Variants in JAG1 observed in about 807,000 individuals in gnomAD.
The protein encoded by JAG1 is jagged canonical Notch ligand 1.
Under a neutral mutation model 148.7 loss-of-function variants are expected in JAG1, and 23 were observed. The observed-to-expected ratio is 0.15, with a 90% confidence interval of 0.11 to 0.22. The LOEUF (loss-of-function observed/expected upper bound fraction) is 0.22, where lower values mean the gene tolerates loss of function less well. Ranked by LOEUF, JAG1 falls within the 10% of genes least tolerant of loss-of-function variation. JAG1 has a pLI of 1.00. For synonymous variants in JAG1, 572 were observed against 598.3 expected, an observed-to-expected ratio of 0.96 and a Z score of 0.64; for missense variants, 1,054 against 1,611.2, an observed-to-expected ratio of 0.65 and a Z score of 5.92.
chr20:10,639,344 G>C lies in JAG1; in HGVS notation c.*154C>G. On this transcript the variant is annotated 3_prime_UTR_variant, in exon 26 of 26. Transcript: ENST00000254958. ...GCACTCGATTTCCCAGCCAACCACA[G>C]AAACTACCATTGCCAGTGTAAGCCA... The C allele has an allele frequency of 1.3e-6, 1 of 779,688 alleles. No homozygotes were observed. The highest frequency in any genetic ancestry group is 1.4e-5 in the South Asian group (1 of 72,224). 48.3% of individuals were successfully genotyped at this position (779,688 alleles called of 1,614,324 possible).
Position 10,648,016 on chromosome 20 carries a change from T to C in JAG1, c.1664A>G (p.Tyr555Cys). The C allele has an allele frequency of 6.2e-7, 1 of 1,614,132 alleles. No homozygotes were observed. Among genetic ancestry groups the C allele is most frequent in the Non-Finnish European group, 8.5e-7 (1 of 1,180,008 alleles). Residue 555 changes from tyrosine (Y) to cysteine (C), a missense_variant, in exon 13 of 26, where the codon TAT (tyrosine) becomes TGT (cysteine). Around this residue, in one of 6 missense-constraint regions of JAG1, gnomAD observed 245 missense variants for 373.1 expected, o/e 0.66. Coordinates refer to ENST00000254958, the MANE Select transcript of JAG1 (RefSeq NM_000214.3). ...SDYFCKCPED[Y>C]EGKNCSHLKD... Reference sequence around the variant, plus strand: ...CAGGTGTGAGCAGTTCTTGCCCTCATAGTCCTCGGGGCACTTGCAGAAATA... The same window carrying C: ...CAGGTGTGAGCAGTTCTTGCCCTCACAGTCCTCGGGGCACTTGCAGAAATA...
At chr20:10,651,319 A>G in intron 8 of JAG1, 3 of 443,202 alleles carry the variant, frequency 6.8e-6, no homozygotes, top group South Asian at 3.2e-5. Context: ...GGCCAGCTCC[A>G]GGAAGCAGAT....
At chr20:10,643,673 A>T in intron 20 of JAG1, 105 bp downstream of exon 20, 1 of 856,896 alleles carries the variant, frequency 1.2e-6, no homozygotes. Flanking sequence ...TATGAGAGCT[A>T]CTTAAAGGGA....
chr20:10,668,092 T>TAAAACAAAAAAA (rs2067468187), intron 2 of JAG1, among the ~76,000 whole-genome samples: 1 of 107,262 alleles, frequency 9.3e-6, no homozygotes, highest in Admixed American at 9.7e-5. Context: ...ACTGGCACCA[T>TAAAACAAAAAAA]AAAAAAAAAA....
intron 13 of JAG1, 147 bp downstream of exon 13, chr20:10,647,813 C>T (rs778674873): frequency 7.2e-5 from 63 of 871,836 alleles, no homozygotes; most frequent in Middle Eastern, 3.2e-4. Flanking sequence ...CCACGTGTTG[C>T]GGCCCGCTAC....
In JAG1 at chr20:10,638,535, C is replaced by T. The variant is rs1362784342; in HGVS notation, c.*963G>A. ...CTAAAGCAGAAAAACAAAAAACAAA[C>T]AAACAAAAAAACCTGTTCTAAACTA... is the stretch of plus-strand genomic sequence containing the variant. On this transcript the variant is annotated 3_prime_UTR_variant, in exon 26 of 26. Coordinates refer to ENST00000254958, the MANE Select transcript of JAG1 (RefSeq NM_000214.3). 6.6e-6 allele frequency: 1 copy of T among 152,554 alleles called. No individual in the cohort carries two copies. Among genetic ancestry groups the T allele is most frequent in the Non-Finnish European group, 1.5e-5 (1 of 68,018 alleles). The allele number at this position is 152,554 out of a possible 1,614,324, so 9.5% of individuals were successfully genotyped here.
At chr20:10,646,819 C>A in intron 14 of JAG1, 120 bp downstream of exon 14, 2 of 983,082 alleles carry the variant, frequency 2.0e-6, no homozygotes, top group South Asian at 2.6e-5. Flanking sequence ...CAGCGAAATT[C>A]GGTCTCAAAA....
In JAG1 at chr20:10,641,484, G is replaced by A; in HGVS notation, c.2892C>T (p.Thr964=). The A allele has an allele frequency of 6.2e-7, 1 of 1,613,984 alleles. No individual in the cohort carries two copies. The highest frequency in any genetic ancestry group is 8.5e-7 in the Non-Finnish European group (1 of 1,179,926). Residue 964 remains threonine (T), a synonymous_variant, in exon 23 of 26, where the codon ACC becomes ACT. Transcript: ENST00000254958. ...YQDNCANITF[T]FNKEMMSPGL... ...CTGGTGACATCATCTCCTTGTTAAA[G>A]GTAAATGTGATGTTCGCACAGTTAT...
Position 10,645,298 on chromosome 20 carries a change from C to T in JAG1, c.2114-42G>A. ...CAGTGTGAGTCCCAGTGGCCCCCTC[C>T]CACAGAAGACAGAGGGAAGGGTCCC... On this transcript the variant is annotated intron_variant, in intron 16 of 25. Coordinates refer to ENST00000254958, the MANE Select transcript of JAG1 (RefSeq NM_000214.3). The surrounding 1 kb of genome is among the most constrained non-coding windows in gnomAD (Gnocchi z 6.1). 1 of 1,606,588 alleles carries T rather than the reference C, an allele frequency of 6.2e-7. No individual in the cohort carries two copies. Among genetic ancestry groups the T allele is most frequent in the Non-Finnish European group, 8.5e-7 (1 of 1,173,088 alleles).
rs1041494534 is a variant in JAG1, at chr20:10,637,772, C to T, written c.*1726G>A. ...TCAAGGCTCCCCTAGATGGGGCTCC[C>T]GCAGTTCCAGCTTCACAGCAGCCCC... On this transcript the variant is annotated 3_prime_UTR_variant, in exon 26 of 26. Coordinates refer to ENST00000254958, the MANE Select transcript of JAG1 (RefSeq NM_000214.3). 7.2e-5 allele frequency: 11 copies of T among 152,726 alleles called. No homozygotes were observed. The highest frequency in any genetic ancestry group is 2.6e-4 in the African/African-American group (11 of 41,570). 9.5% of individuals were successfully genotyped at this position (152,726 alleles called of 1,614,324 possible).
intron 5 of JAG1, 147 bp from the exon 6 acceptor site, chr20:10,652,745 C>T (rs920298758): frequency 1.6e-5 from 12 of 734,590 alleles, no homozygotes; most frequent in African/African-American, 8.8e-5. Flanking sequence ...TCAGGGGCTC[C>T]GTATAAACAA....
chr20:10,673,225 A>G lies in JAG1; in HGVS notation c.82-219T>C, dbSNP rs2067510790. 6.6e-6 allele frequency among the ~76,000 whole-genome samples: 1 copy of G among 150,732 alleles called. No homozygotes were observed. Among genetic ancestry groups the G allele is most frequent in the Non-Finnish European group, 1.5e-5 (1 of 67,882 alleles). ...ATCCGACGACTTCCCGGGGGGCAAC[A>G]GCGGAGCGAACGCGCCCCTGTCCGG... On this transcript the variant is annotated intron_variant, in intron 1 of 25. Transcript: ENST00000254958. This position sits in a 1 kb window ranked among gnomAD's most constrained non-coding sequence, Gnocchi z 4.7.
chr20:10,641,872 T>C lies in JAG1; in HGVS notation c.2593A>G (p.Thr865Ala), dbSNP rs769930733. 1.2e-6 allele frequency: 2 copies of C among 1,612,810 alleles called. No individual in the cohort carries two copies. The highest frequency in any genetic ancestry group is 1.7e-5 in the Admixed American group (1 of 60,016). The change falls in exon 22 of 26, where the codon ACC (threonine) becomes GCC (alanine). Residue 865 changes from threonine to alanine, a missense_variant. Thr to Ala is a moderately conservative substitution (Grantham distance 58). Around this residue, in one of 6 missense-constraint regions of JAG1, gnomAD observed 342 missense variants for 514.6 expected, o/e 0.66. Coordinates refer to ENST00000254958, the MANE Select transcript of JAG1 (RefSeq NM_000214.3). ...CCATCTGGTATCACACTCCCCATGG[T>C]GATGCAAGGTCTCCCTGAAACTGAC... Reference protein sequence around the residue: ...CQEVSGRPCITMGSVIPDGAK... With the variant: ...CQEVSGRPCIAMGSVIPDGAK...
chr20:10,665,761 C>G (rs1267260220), intron 2 of JAG1, among the ~76,000 whole-genome samples: 1 of 152,144 alleles, frequency 6.6e-6, no homozygotes, highest in East Asian at 1.9e-4. Flanking sequence ...CAGACTTGCA[C>G]AAGCGCTAAA....
At chr20:10,657,089 G>A (rs1276629277) in intron 4 of JAG1, among the ~76,000 whole-genome samples, 2 of 152,044 alleles carry the variant, frequency 1.3e-5, no homozygotes, top group Non-Finnish European at 2.9e-5. Flanking sequence ...CTAAGACCAG[G>A]CAACAGTGGC....
At chr20:10,648,800 G>A in intron 11 of JAG1, 78 bp from the exon 12 acceptor site, 1 of 1,403,914 alleles carries the variant, frequency 7.1e-7, no homozygotes, top group Non-Finnish European at 1.0e-6. Flanking sequence ...CAGCGGTTTA[G>A]CATGACTGTT....
At position 10,651,757 on chromosome 20, in the gene JAG1, C is replaced by G. The variant is rs543015910; in HGVS notation, c.1007-63G>C. The G allele has an allele frequency of 8.8e-5, 91 of 1,031,160 alleles. No individual in the cohort carries two copies. The African/African-American group carries it at 1.1e-3, about 12-fold the overall frequency. The allele number at this position is 1,031,160 out of a possible 1,614,324, so 63.9% of individuals were successfully genotyped here. ...GCACACCGTTACCTCCCCACACCCC[C>G]CTCCAACCGAATCCCACACCACAGC... On this transcript the variant is annotated intron_variant, in intron 7 of 25. Coordinates refer to ENST00000254958, the MANE Select transcript of JAG1 (RefSeq NM_000214.3).
At position 10,645,888 on chromosome 20, in the gene JAG1, A is replaced by G; in HGVS notation, c.1999+83T>C. 1 of 958,138 alleles carries G rather than the reference A, an allele frequency of 1.0e-6. No individual in the cohort carries two copies. Among genetic ancestry groups the G allele is most frequent in the South Asian group, 1.3e-5 (1 of 78,052 alleles). The allele number at this position is 958,138 out of a possible 1,614,324, so 59.4% of individuals were successfully genotyped here. On this transcript the variant is annotated intron_variant, in intron 15 of 25. Transcript: ENST00000254958. The surrounding 1 kb of genome is among the most constrained non-coding windows in gnomAD (Gnocchi z 6.1). ...TCTTGCTTCCAGAGATTTCCAGTAC[A>G]AAGAAAGTTTTCCCACGTTGAAGTG...
In JAG1 at chr20:10,672,788, A is replaced by T; in HGVS notation, c.300T>A (p.Pro100=). The T allele has an allele frequency of 1.9e-6, 3 of 1,613,064 alleles. No individual in the cohort carries two copies. The highest frequency in any genetic ancestry group is 2.5e-6 in the Non-Finnish European group (3 of 1,180,002). Residue 100 remains proline (P), a synonymous_variant, in exon 2 of 26, where the codon CCT becomes CCA. Transcript: ENST00000254958. The part of the protein sequence containing the change: ...GPCSFGSGST[P]VIGGNTFNLK... ...GGTTGAAGGTGTTGCCCCCGATGAC[A>T]GGCGTGGACCCTGAGCCGAAGCTGC...
Sources: allele counts gnomAD v4.1 joint callset (sites outside exome capture counted in the v4.1 genomes callset), GRCh38; gene constraint gnomAD v4.1.1; regional missense constraint gnomAD v4.1.1; non-coding constraint Gnocchi (gnomAD v3.1); transcripts MANE v1.5; gene names NCBI Gene and HGNC (gene_info 2026-07-23, HGNC 2026-07-21).